The following RORA variants were observed in gnomAD, a reference collection of about 807,000 sequenced individuals.
RORA encodes RAR related orphan receptor A, also known as nuclear receptor ROR-alpha.
A neutral mutation model predicts 69.5 loss-of-function variants in RORA; 7 were observed. That is an observed-to-expected ratio of 0.10 (90% CI 0.06 to 0.19). The LOEUF is 0.19. Ranked by LOEUF, RORA falls within the 10% of genes least tolerant of loss-of-function variation. RORA has a pLI of 1.00. For synonymous variants in RORA, 261 were observed against 240.8 expected (o/e 1.08, Z -0.78); for missense variants, 457 against 663.0 (o/e 0.69, Z 3.41).
At chr15:60,612,661 G>GTTTTTTTTTTTTTTTTTTTTT (rs71122864) in intron 2 of RORA, among the ~76,000 whole-genome samples, 2 of 107,168 alleles carry the variant, frequency 1.9e-5, no homozygotes, top group Non-Finnish European at 3.8e-5. Context: ...CTCTCTCTCT[G>GTTTTTTTTTTTTTTTTTTTTT]TTTTTTTTTT....
intron 2 of RORA, among the ~76,000 whole-genome samples, chr15:60,544,238 G>A (rs2066996532): frequency 6.6e-6 from 1 of 152,170 alleles, no homozygotes; most frequent in Non-Finnish European, 1.5e-5. Flanking sequence ...TGTGAAGAGT[G>A]AGCTGAACTC....
intron 2 of RORA, among the ~76,000 whole-genome samples, chr15:60,599,664 A>G (rs1030140207): frequency 2.0e-5 from 3 of 151,528 alleles, no homozygotes; most frequent in African/African-American, 7.4e-5. Context: ...ACACACAGAT[A>G]AGAAGGGGAG....
intron 2 of RORA, among the ~76,000 whole-genome samples, chr15:60,550,939 G>T (rs2067211222): frequency 6.6e-6 from 1 of 152,088 alleles, no homozygotes; most frequent in Non-Finnish European, 1.5e-5. Context: ...AATTTAGTTT[G>T]TCTGGAAGAG....
chr15:60,595,165 G>C (rs1363083918), intron 2 of RORA, among the ~76,000 whole-genome samples: 1 of 149,206 alleles, frequency 6.7e-6, no homozygotes, highest in East Asian at 1.9e-4. Flanking sequence ...TACCAAATTG[G>C]AGCCATAAAT....
chr15:60,522,970 G>A lies in RORA; in HGVS notation c.283-8213C>T, dbSNP rs559146006. On this transcript the variant is annotated intron_variant, in intron 3 of 10. Transcript: ENST00000335670. The stretch of plus-strand genomic sequence containing the variant: ...CTGTAATCCTAGCTACCCAGGAGGC[G>A]GAGGTTGCAGTGAGCCGAGATCACA... Among the ~76,000 whole-genome samples, 5 of 149,624 alleles carry A rather than the reference G, an allele frequency of 3.3e-5. No homozygotes were observed. The East Asian group carries it at 5.9e-4, about 18-fold the overall frequency.
intron 2 of RORA, among the ~76,000 whole-genome samples, chr15:60,625,277 T>G (rs2069544394): frequency 6.6e-6 from 1 of 152,200 alleles, no homozygotes; most frequent in South Asian, 2.1e-4. Flanking sequence ...ACAAATCTTT[T>G]TTTTTGTTTT....
At chr15:60,903,985 C>A (rs887422198) in intron 1 of RORA, among the ~76,000 whole-genome samples, 20 of 152,130 alleles carry the variant, frequency 1.3e-4, no homozygotes, top group African/African-American at 3.9e-4. Context: ...TAATAACAAT[C>A]CTCAGGTTGC....
chr15:60,530,532 G>C (rs775422911), intron 3 of RORA: 2 of 152,212 alleles, frequency 1.3e-5, no homozygotes, highest in African/African-American at 2.4e-5. Flanking sequence ...AAAGGGCATA[G>C]ATGGTTCTGT....
intron 1 of RORA, among the ~76,000 whole-genome samples, chr15:61,211,547 G>T (rs1274454538): frequency 6.6e-6 from 1 of 152,128 alleles, no homozygotes; most frequent in Non-Finnish European, 1.5e-5. Flanking sequence ...CCACACTGTG[G>T]GTGAAGGCCT....
intron 1 of RORA, among the ~76,000 whole-genome samples, chr15:60,874,123 T>C (rs2073588396): frequency 6.6e-6 from 1 of 152,104 alleles, no homozygotes; most frequent in African/African-American, 2.4e-5. Context: ...TTGATAAAAA[T>C]CTCATTTTAT....
chr15:60,610,261 T>C (rs1335269855), intron 2 of RORA, among the ~76,000 whole-genome samples: 3 of 151,930 alleles, frequency 2.0e-5, no homozygotes, highest in African/African-American at 7.3e-5. Flanking sequence ...GGAATTTTGA[T>C]GGGAGGTGCT....
At chr15:61,060,199 T>C (rs572701726) in intron 1 of RORA, among the ~76,000 whole-genome samples, 2 of 152,314 alleles carry the variant, frequency 1.3e-5, no homozygotes, top group South Asian at 2.1e-4. Context: ...AACTAAATCC[T>C]TTCAGGGAGA....
At chr15:60,932,494 T>TTAC (rs1171676814) in intron 1 of RORA, among the ~76,000 whole-genome samples, 1 of 152,232 alleles carries the variant, frequency 6.6e-6, no homozygotes, top group Non-Finnish European at 1.5e-5. Flanking sequence ...TGTTTACGTG[T>TTAC]TACTACCAAG....
chr15:60,519,541 G>A (rs550803026), intron 3 of RORA, among the ~76,000 whole-genome samples: 1 of 152,142 alleles, frequency 6.6e-6, no homozygotes, highest in South Asian at 2.1e-4. Context: ...TTCTCATATG[G>A]GGCAACCATT....
chr15:60,665,878 T>C (rs2070372368), intron 2 of RORA, among the ~76,000 whole-genome samples: 1 of 152,178 alleles, frequency 6.6e-6, no homozygotes, highest in Admixed American at 6.5e-5. Flanking sequence ...TTTCCCCATG[T>C]TGGCCGGGCT....
At chr15:61,217,527 C>A (rs943994404) in intron 1 of RORA, among the ~76,000 whole-genome samples, 12 of 152,138 alleles carry the variant, frequency 7.9e-5, no homozygotes, top group African/African-American at 2.4e-4. Context: ...AAGTTCAAAA[C>A]ACATTTAGAA....
chr15:60,787,026 T>G (rs1270159313), intron 1 of RORA, among the ~76,000 whole-genome samples: 2 of 152,228 alleles, frequency 1.3e-5, no homozygotes, highest in African/African-American at 4.8e-5. Context: ...TACCTAAGAC[T>G]TTCAGTCTAT....
At chr15:60,769,894 A>C (rs2072048230) in intron 1 of RORA, among the ~76,000 whole-genome samples, 2 of 152,144 alleles carry the variant, frequency 1.3e-5, no homozygotes, top group African/African-American at 4.8e-5. Context: ...CTGACTGCCT[A>C]GTTCCTCTTC....
intron 1 of RORA, among the ~76,000 whole-genome samples, chr15:61,040,009 G>A (rs1896662895): frequency 6.7e-6 from 1 of 149,390 alleles, no homozygotes; most frequent in Admixed American, 6.7e-5. Flanking sequence ...TTTGTTGATG[G>A]TAGTTTTCCA....
Sources: allele counts gnomAD v4.1 joint callset (sites outside exome capture counted in the v4.1 genomes callset), GRCh38; gene constraint gnomAD v4.1.1; transcripts MANE v1.5; gene names NCBI Gene and HGNC (gene_info 2026-07-23, HGNC 2026-07-21).